Variants in PDE7B observed in about 807,000 individuals in gnomAD.
PDE7B encodes phosphodiesterase 7B.
A neutral mutation model predicts 56.2 loss-of-function variants in PDE7B; 29 were observed. That is an observed-to-expected ratio of 0.52 (90% confidence interval 0.38 to 0.70). The LOEUF is 0.70. PDE7B is among the 30% of genes least tolerant of loss of function. PDE7B has a pLI of 0.00. For missense variants in PDE7B, 490 were observed against 565.0 expected (o/e 0.87, Z 1.35); for synonymous variants, 197 against 196.9 (o/e 1.00, Z 0.00).
chr6:136,009,369 A>T (rs1180291261), intron 2 of PDE7B, among the ~76,000 whole-genome samples: 1 of 152,070 alleles, frequency 6.6e-6, no homozygotes, highest in Non-Finnish European at 1.5e-5. Flanking sequence ...TAATTCTGTG[A>T]AGAAAGTCAT....
intron 3 of PDE7B, among the ~76,000 whole-genome samples, chr6:136,133,765 A>T (rs374603064): frequency 3.1e-4 from 47 of 152,290 alleles, no homozygotes; most frequent in African/African-American, 1.0e-3. Flanking sequence ...TACTAGGAGG[A>T]GAGCTGAATG....
At position 135,993,632 on chromosome 6, in the gene PDE7B, G is replaced by A. The variant is rs192298254; in HGVS notation, c.82+46108G>A. ...TGAGGAGGCCTTGTGTAATTTCAAA[G>A]CAAGCCAGAAACTTGTGTCTACTCA... On this transcript the variant is annotated intron_variant, in intron 2 of 12. Coordinates refer to ENST00000308191, the MANE Select transcript of PDE7B (RefSeq NM_018945.4). 4.4e-3 allele frequency among the ~76,000 whole-genome samples: 664 copies of A among 152,320 alleles called. 6 individuals are homozygous for A. The highest frequency in any genetic ancestry group is 0.018 in the South Asian group (86 of 4,822).
At chr6:135,890,840 A>G (rs1775798506) in intron 1 of PDE7B, among the ~76,000 whole-genome samples, 1 of 152,132 alleles carries the variant, frequency 6.6e-6, no homozygotes, top group South Asian at 2.1e-4. Flanking sequence ...TTTTTTTTCT[A>G]CCGAGGCTGC....
chr6:136,010,666 T>C (rs2128207153), intron 2 of PDE7B, among the ~76,000 whole-genome samples: 1 of 152,258 alleles, frequency 6.6e-6, no homozygotes, highest in South Asian at 2.1e-4. Flanking sequence ...TCTCGCTCTG[T>C]CACCAAGGCT....
intron 1 of PDE7B, among the ~76,000 whole-genome samples, chr6:135,926,061 C>CA (rs1390196625): frequency 8.3e-6 from 1 of 120,298 alleles, no homozygotes; most frequent in Non-Finnish European, 1.6e-5. Flanking sequence ...AATAATGAGG[C>CA]ATGCTTCTGT....
intron 4 of PDE7B, 86 bp from the exon 5 acceptor site, chr6:136,149,001 A>T: frequency 1.1e-6 from 1 of 938,480 alleles, no homozygotes; most frequent in Non-Finnish European, 1.7e-6. Context: ...TCAACTTTTT[A>T]ATTGTTTAAT....
chr6:135,926,936 C>T (rs1774202971), intron 1 of PDE7B, among the ~76,000 whole-genome samples: 1 of 152,086 alleles, frequency 6.6e-6, no homozygotes, highest in Non-Finnish European at 1.5e-5. Flanking sequence ...AATGTAGCTG[C>T]TTGAATTAAT....
At chr6:136,081,534 A>G (rs2128215135) in intron 2 of PDE7B, among the ~76,000 whole-genome samples, 1 of 152,356 alleles carries the variant, frequency 6.6e-6, no homozygotes, top group East Asian at 1.9e-4. Flanking sequence ...GACAGGAAAA[A>G]GAGGACAAAC....
chr6:136,002,484 C>T (rs962501003), intron 2 of PDE7B, among the ~76,000 whole-genome samples: 2 of 151,786 alleles, frequency 1.3e-5, no homozygotes, highest in Admixed American at 6.6e-5. Flanking sequence ...CACATAGGAT[C>T]AAAATAAAAG....
At chr6:136,191,553 G>A in intron 12 of PDE7B, 61 bp from the exon 13 acceptor site, 1 of 1,379,344 alleles carries the variant, frequency 7.2e-7, no homozygotes, top group South Asian at 1.2e-5. Flanking sequence ...TCATGCTCGG[G>A]AGGGAGTAAG....
chr6:136,185,802 A>T (rs1449859369), intron 11 of PDE7B, among the ~76,000 whole-genome samples: 1 of 152,072 alleles, frequency 6.6e-6, no homozygotes, highest in Admixed American at 6.5e-5. Flanking sequence ...TAACATATGT[A>T]AAATGCTTAG....
At chr6:136,044,557 A>G (rs1776468825) in intron 2 of PDE7B, 1 of 152,190 alleles carries the variant, frequency 6.6e-6, no homozygotes, top group Non-Finnish European at 1.5e-5. Flanking sequence ...AAGAATACAC[A>G]AGAGTGAAGT....
At chr6:136,181,793 C>G (rs1779071732) in intron 11 of PDE7B, among the ~76,000 whole-genome samples, 1 of 152,008 alleles carries the variant, frequency 6.6e-6, no homozygotes, top group African/African-American at 2.4e-5. Flanking sequence ...TTGGACACAG[C>G]TGACCAAAAA....
At chr6:136,123,068 G>T (rs1777964092) in intron 3 of PDE7B, among the ~76,000 whole-genome samples, 1 of 145,740 alleles carries the variant, frequency 6.9e-6, no homozygotes, top group African/African-American at 2.6e-5. Context: ...CATTTGAAAG[G>T]CCTCTTCTCC....
At chr6:135,989,964 G>A (rs1000208125) in intron 2 of PDE7B, among the ~76,000 whole-genome samples, 4 of 152,116 alleles carry the variant, frequency 2.6e-5, no homozygotes, top group African/African-American at 4.8e-5. Context: ...GAACCCTTAT[G>A]GGTCCAAAAC....
At chr6:136,039,183 C>T (rs1186844260) in intron 2 of PDE7B, among the ~76,000 whole-genome samples, 2 of 152,020 alleles carry the variant, frequency 1.3e-5, no homozygotes, top group African/African-American at 4.8e-5. Context: ...GTGTTTGGGA[C>T]GGTTGTGGAG....
intron 2 of PDE7B, among the ~76,000 whole-genome samples, chr6:135,977,796 AT>A (rs1261552418): frequency 1.3e-5 from 2 of 152,026 alleles, no homozygotes; most frequent in Non-Finnish European, 2.9e-5. Flanking sequence ...GTGAAATTGC[AT>A]GGGCCTAGCA....
In PDE7B at chr6:136,134,691, G is replaced by A. The variant is rs971428756; in HGVS notation, c.167-12660G>A. 4.9e-5 allele frequency among the ~76,000 whole-genome samples: 7 copies of A among 141,764 alleles called. No homozygotes were observed. In the East Asian group the frequency reaches 1.3e-3, roughly 26 times the overall value. The allele number at this position is 141,764 out of a possible 152,430, so 93.0% of individuals were successfully genotyped here. On this transcript the variant is annotated intron_variant, in intron 3 of 12. Coordinates refer to ENST00000308191, the MANE Select transcript of PDE7B (RefSeq NM_018945.4). ...TTCCAACCAACCCTGAACCCCGGATGTCAGAGATTCAACCCATTCGTTGGG... is the reference window on the plus strand; with the variant it reads ...TTCCAACCAACCCTGAACCCCGGATATCAGAGATTCAACCCATTCGTTGGG...
At chr6:135,975,403 T>C (rs116099513) in intron 2 of PDE7B, among the ~76,000 whole-genome samples, 4,645 of 152,186 alleles carry the variant, frequency 0.031, 208 homozygotes, top group African/African-American at 0.099. Flanking sequence ...TAAGCAGTAC[T>C]TCCCTTCCAC....
Sources: allele counts gnomAD v4.1 joint callset (sites outside exome capture counted in the v4.1 genomes callset), GRCh38; gene constraint gnomAD v4.1.1; transcripts MANE v1.5; gene names NCBI Gene and HGNC (gene_info 2026-07-23, HGNC 2026-07-21).